KLHL5: variants seen among roughly 807,000 people sequenced by gnomAD.
The protein encoded by KLHL5 is kelch-like protein 5.
A neutral mutation model predicts 77.7 loss-of-function variants in KLHL5; 48 were observed. That is an observed-to-expected ratio of 0.62 (90% CI 0.49 to 0.79). The LOEUF is 0.79. KLHL5 is among the 30% of genes least tolerant of loss of function. KLHL5 has a pLI of 0.00. For missense variants in KLHL5, 723 were observed against 859.7 expected (o/e 0.84, Z 1.99); for synonymous variants, 260 against 297.0 (o/e 0.88, Z 1.28).
the KLHL5 span, among the ~76,000 whole-genome samples, chr4:39,134,526 ATGGAGGTG>A: frequency 6.6e-5 from 10 of 152,342 alleles, no homozygotes; most frequent in African/African-American, 2.2e-4. Flanking sequence ...AGATTGCTAC[ATGGAGGTG>A]AGTTTAAGCT....
At chr4:39,061,841 C>A (rs1717438541), upstream of KLHL5, among the ~76,000 whole-genome samples, 1 of 152,116 alleles carries the variant, frequency 6.6e-6, no homozygotes. Flanking sequence ...ACATTTTGAT[C>A]CTTTGTAGTT....
intron 2 of KLHL5, among the ~76,000 whole-genome samples, chr4:39,078,960 T>G (rs1222238392): frequency 6.6e-6 from 1 of 152,118 alleles, no homozygotes; most frequent in Non-Finnish European, 1.5e-5. Flanking sequence ...AGGAATTGGC[T>G]TGGTATTAAA....
chr4:39,083,765 A>T (rs1166887197), intron 4 of KLHL5, among the ~76,000 whole-genome samples: 1 of 152,176 alleles, frequency 6.6e-6, no homozygotes, highest in Non-Finnish European at 1.5e-5. Flanking sequence ...TCAGGTGAAA[A>T]CATTTGTATG....
At chr4:39,098,706 G>C (rs1251407562) in intron 6 of KLHL5, among the ~76,000 whole-genome samples, 1 of 151,804 alleles carries the variant, frequency 6.6e-6, no homozygotes, top group Non-Finnish European at 1.5e-5. Context: ...TGGGACTACA[G>C]GCACCTGCCA....
At position 39,062,895 on chromosome 4, in the gene KLHL5, T is replaced by A; in HGVS notation, c.243T>A (p.Ser81=). The A allele has an allele frequency of 6.2e-7, 1 of 1,614,202 alleles. No homozygotes were observed. Among genetic ancestry groups the A allele is most frequent in the East Asian group, 2.2e-5 (1 of 44,888 alleles). ...AACTGGATTTTCAGAATTCACCTTC[T>A]TGGCCAATGGCATCCACCTCTGAAG... ...SSQLDFQNSP[S]WPMASTSEVP... Residue 81 remains serine (S), a synonymous_variant, in exon 1 of 11, where the codon TCT becomes TCA. Transcript: ENST00000504108.
chr4:39,070,737 G>A (rs1577661006), intron 1 of KLHL5, among the ~76,000 whole-genome samples: 1 of 152,142 alleles, frequency 6.6e-6, no homozygotes, highest in East Asian at 1.9e-4. Flanking sequence ...TATCCCAGGG[G>A]AAAAACGCCC....
At chr4:39,115,034 A>G in intron 9 of KLHL5, 125 bp from the exon 10 acceptor site, 2 of 831,178 alleles carry the variant, frequency 2.4e-6, no homozygotes, top group East Asian at 2.7e-5. Context: ...TTTCTCTAAA[A>G]TATGTTCAAA....
chr4:39,052,972 G>C (rs78681578), intron 1 of KLHL5, among the ~76,000 whole-genome samples: 7,518 of 152,222 alleles, frequency 0.049, 218 homozygotes, highest in Non-Finnish European at 0.061. Context: ...ATCTCCATTT[G>C]ACCACTAACA....
intron 5 of KLHL5, among the ~76,000 whole-genome samples, chr4:39,094,511 T>G (rs937283187): frequency 2.6e-5 from 4 of 151,732 alleles, no homozygotes; most frequent in Non-Finnish European, 4.4e-5. Context: ...AAATTTGTCT[T>G]AAGTTTACAT....
chr4:39,117,536 T>C (rs76714612), intron 10 of KLHL5, among the ~76,000 whole-genome samples: 85 of 152,230 alleles, frequency 5.6e-4, no homozygotes, highest in African/African-American at 2.0e-3. Context: ...TCAAGAGATA[T>C]TGCCAGGTCT....
chr4:39,136,863 C>T, the KLHL5 span, among the ~76,000 whole-genome samples: 2 of 152,060 alleles, frequency 1.3e-5, no homozygotes, highest in South Asian at 4.1e-4. Context: ...AGAGCCCAAG[C>T]GTTGCAAGGA....
the KLHL5 span, among the ~76,000 whole-genome samples, chr4:39,136,029 TGTGTGTGTGTGA>T: frequency 2.7e-5 from 4 of 150,862 alleles, no homozygotes; most frequent in Admixed American, 6.7e-5. Context: ...TGTGTGTGTG[TGTGTGTGTGTGA>T]GATCGCCACT....
At chr4:39,070,588 AG>A (rs1718382545) in intron 1 of KLHL5, among the ~76,000 whole-genome samples, 1 of 152,176 alleles carries the variant, frequency 6.6e-6, no homozygotes, top group Non-Finnish European at 1.5e-5. Context: ...AAGTCATTTC[AG>A]GAACATTTCT....
intron 6 of KLHL5, among the ~76,000 whole-genome samples, chr4:39,103,016 C>A (rs189150311): frequency 6.6e-6 from 1 of 152,200 alleles, no homozygotes; most frequent in East Asian, 1.9e-4. Flanking sequence ...TTTTTTCTCC[C>A]CCGCTTCTGG....
chr4:39,048,429 A>G (rs1716365609), intron 1 of KLHL5, among the ~76,000 whole-genome samples: 1 of 152,184 alleles, frequency 6.6e-6, no homozygotes, highest in Non-Finnish European at 1.5e-5. Flanking sequence ...TATACCAGGC[A>G]GGATAGATTA....
chr4:39,062,986 G>A lies in KLHL5; in HGVS notation c.334G>A (p.Asp112Asn). The A allele has an allele frequency of 6.2e-7, 1 of 1,613,864 alleles. No individual in the cohort carries two copies. Among genetic ancestry groups the A allele is most frequent in the Non-Finnish European group, 8.5e-7 (1 of 1,179,942 alleles). The change falls in exon 1 of 11, where the codon GAT (aspartate) becomes AAT (asparagine). Residue 112 changes from aspartate (D) to asparagine (N), a missense_variant. Physicochemically the swap from Asp to Asn is conservative, Grantham distance 23 (BLOSUM62 1). This residue lies in a region of KLHL5 where 221 missense variants were observed against 222.1 expected (regional missense o/e 1.00). Transcript: ENST00000504108. Reference sequence around the variant, plus strand: ...ACATTGGCTGGATAGACCAGAAGTGGATGATGGCACTAGTGAAGAAGAAAA... The same window carrying A: ...ACATTGGCTGGATAGACCAGAAGTGAATGATGGCACTAGTGAAGAAGAAAA... ...GAHWLDRPEVDDGTSEEENES... is the reference protein window; with the variant it reads ...GAHWLDRPEVNDGTSEEENES...
intron 7 of KLHL5, among the ~76,000 whole-genome samples, chr4:39,106,104 A>T (rs994087886): frequency 9.9e-5 from 15 of 152,016 alleles, no homozygotes; most frequent in African/African-American, 3.6e-4. Flanking sequence ...GCAGTCTCTG[A>T]CTGTCCTGCA....
At chr4:39,063,818 T>C (rs1181773797) in intron 1 of KLHL5, 1 of 170,034 alleles carries the variant, frequency 5.9e-6, no homozygotes, top group Non-Finnish European at 1.3e-5. Context: ...AGTGACTTTA[T>C]CTACCTTTAT....
intron 2 of KLHL5, among the ~76,000 whole-genome samples, chr4:39,076,436 C>T (rs1719047963): frequency 6.6e-6 from 1 of 152,000 alleles, no homozygotes. Flanking sequence ...CATATTCTAC[C>T]TATTAAATAC....
Sources: allele counts gnomAD v4.1 joint callset (sites outside exome capture counted in the v4.1 genomes callset), GRCh38; gene constraint gnomAD v4.1.1; regional missense constraint gnomAD v4.1.1; transcripts MANE v1.5; gene names NCBI Gene and HGNC (gene_info 2026-07-23, HGNC 2026-07-21).